Variants in USP35 observed in about 807,000 individuals in gnomAD.
USP35 encodes the protein ubiquitin carboxyl-terminal hydrolase 35.
A neutral mutation model predicts 83.8 loss-of-function variants in USP35; 69 were observed. The observed-to-expected ratio is 0.82, with a 90% confidence interval of 0.68 to 1.01. The LOEUF (loss-of-function observed/expected upper bound fraction) is 1.01. Among genes scored for constraint, USP35 ranks in the 50% least tolerant of loss-of-function variants. The pLI, the probability that USP35 is intolerant of heterozygous loss-of-function variation, is 0.00. For missense variants in USP35, 1,503 were observed against 1,362.5 expected (o/e 1.10, Z -1.62); for synonymous variants, 714 against 589.5 (o/e 1.21, Z -3.06).
At chr11:78,220,452 G>A in the USP35 span, 7 of 1,558,466 alleles carry the variant, frequency 4.5e-6, no homozygotes, top group Admixed American at 3.7e-5. Context: ...TTGCTGTCAC[G>A]AGGAGGAAAA....
At chr11:78,220,516 TG>T in the USP35 span, 1 of 1,357,770 alleles carries the variant, frequency 7.4e-7, no homozygotes, top group Non-Finnish European at 1.0e-6. Context: ...AAAACACCTC[TG>T]GGAGTAAGAA....
the USP35 span, chr11:78,223,677 C>G: frequency 6.3e-7 from 1 of 1,590,670 alleles, no homozygotes; most frequent in Non-Finnish European, 8.6e-7. Context: ...TTTTCCCTGG[C>G]TAGGGAGAGG....
intron 10 of USP35, 111 bp from the exon 11 acceptor site, chr11:78,213,535 C>A: frequency 2.3e-6 from 3 of 1,277,792 alleles, no homozygotes; most frequent in Non-Finnish European, 3.0e-6. Flanking sequence ...CTCTGTGTGT[C>A]CAGGCCCTGG....
chr11:78,209,718 C>G lies in USP35; in HGVS notation c.1863C>G (p.Ile621Met). Residue 621 changes from isoleucine (I) to methionine (M), a missense_variant, in exon 10 of 11, where the codon ATC (isoleucine) becomes ATG (methionine). Coordinates refer to ENST00000529308, the MANE Select transcript of USP35 (RefSeq NM_020798.4). ...LGSVMRPTED[I>M]TARELPPPTS... ...CTGTGATGCGCCCCACAGAAGACAT[C>G]ACAGCCCGGGAGTTGCCCCCACCAA... 1 of 1,614,118 alleles carries G rather than the reference C, an allele frequency of 6.2e-7. No individual in the cohort carries two copies. The highest frequency in any genetic ancestry group is 1.1e-5 in the South Asian group (1 of 91,076).
chr11:78,213,949 C>T lies in USP35; in HGVS notation c.*136C>T, dbSNP rs1406919632. The T allele has an allele frequency of 7.4e-6, 7 of 951,214 alleles. No homozygotes were observed. The highest frequency in any genetic ancestry group is 7.0e-5 in the African/African-American group (4 of 57,450). 58.9% of individuals were successfully genotyped at this position (951,214 alleles called of 1,614,324 possible). ...TTAGTCCTCAGCCTGATGAAGGGTA[C>T]ACAGAGATTCTCTCAGATATGGAAG... On this transcript the variant is annotated 3_prime_UTR_variant, in exon 11 of 11. Transcript: ENST00000529308.
chr11:78,207,466 T>A, intron 7 of USP35, 64 bp from the exon 8 acceptor site: 1 of 1,537,504 alleles, frequency 6.5e-7, no homozygotes, highest in Admixed American at 1.7e-5. Context: ...GCCTGTGACA[T>A]GGGTGACTAG....
chr11:78,207,308 A>C (rs955977178), intron 7 of USP35: 2 of 533,410 alleles, frequency 3.7e-6, no homozygotes, highest in Non-Finnish European at 6.8e-6. Flanking sequence ...TGTACCCTTC[A>C]TTGTCTAAAA....
the USP35 span, among the ~76,000 whole-genome samples, chr11:78,225,971 A>G: frequency 2.0e-5 from 3 of 152,272 alleles, no homozygotes; most frequent in South Asian, 2.1e-4. Context: ...ACAAGTAACA[A>G]TAGAATTTAG....
chr11:78,223,218 TGCTC>T, the USP35 span, among the ~76,000 whole-genome samples: 1 of 152,174 alleles, frequency 6.6e-6, no homozygotes, highest in East Asian at 1.9e-4. Flanking sequence ...CTATCCTAGA[TGCTC>T]TCCTTTGCAG....
Position 78,213,950 on chromosome 11 carries a change from A to ACAGAGATTCTCTCAGATATGGAAGTAAG in USP35, c.*138_*165dup. 1.0e-6 allele frequency: 1 copy of ACAGAGATTCTCTCAGATATGGAAGTAAG among 953,716 alleles called. No homozygotes were observed. The allele number at this position is 953,716 out of a possible 1,614,324, so 59.1% of individuals were successfully genotyped here. A position where few individuals can be genotyped will look rare whatever the true frequency, so the allele number is the denominator to read the frequency against. On this transcript the variant is annotated 3_prime_UTR_variant, in exon 11 of 11. Coordinates refer to ENST00000529308, the MANE Select transcript of USP35 (RefSeq NM_020798.4). The stretch of plus-strand genomic sequence containing the variant: ...TAGTCCTCAGCCTGATGAAGGGTAC[A>ACAGAGATTCTCTCAGATATGGAAGTAAG]CAGAGATTCTCTCAGATATGGAAGT...
chr11:78,222,214 G>A, the USP35 span: 8 of 1,560,178 alleles, frequency 5.1e-6, no homozygotes, highest in Non-Finnish European at 6.2e-6. Context: ...GGAAAAGAAA[G>A]TCTGGTAATC....
At chr11:78,231,933 T>C in the USP35 span, 1 of 152,234 alleles carries the variant, frequency 6.6e-6, no homozygotes, top group East Asian at 1.9e-4. Context: ...ATTTGAACTA[T>C]CCTCTTGCAT....
intron 4 of USP35, 151 bp downstream of exon 4, chr11:78,199,875 A>T: frequency 7.7e-7 from 1 of 1,305,278 alleles, no homozygotes. Context: ...TGGGCCTCAG[A>T]TTCTCCCCAT....
rs544359572 is a variant in USP35 at position 78,207,827 on chromosome 11, G to A, written c.1485+204G>A. Among the ~76,000 whole-genome samples, 388 of 152,348 alleles carry A rather than the reference G, an allele frequency of 2.5e-3. 7 individuals carry two copies. The highest frequency in any genetic ancestry group is 0.02 in the Middle Eastern group (6 of 294). On this transcript the variant is annotated intron_variant, in intron 8 of 10. Coordinates refer to ENST00000529308, the MANE Select transcript of USP35 (RefSeq NM_020798.4). ...GGCGGGCCCCCTTGAGCCCTGTTCCGTGTTGTGCTGCCCAATCTTTCCCTT... is the reference window on the plus strand; with the variant it reads ...GGCGGGCCCCCTTGAGCCCTGTTCCATGTTGTGCTGCCCAATCTTTCCCTT...
At chr11:78,223,072 T>G in the USP35 span, among the ~76,000 whole-genome samples, 14 of 152,216 alleles carry the variant, frequency 9.2e-5, no homozygotes, top group Non-Finnish European at 1.5e-4. Context: ...TGCCTAGCTA[T>G]CCTACTCCTC....
Position 78,196,185 on chromosome 11 carries a change from T to A in USP35, c.-10-51T>A, listed in dbSNP as rs1291288644. Reference sequence around the variant, plus strand: ...AGCACTCGGGGACTGCACCGGGAACTCTTGAGCCCCGCGGTTGTCGGGCTG... The same window carrying A: ...AGCACTCGGGGACTGCACCGGGAACACTTGAGCCCCGCGGTTGTCGGGCTG... On this transcript the variant is annotated intron_variant, in intron 1 of 10. Transcript: ENST00000529308. This position sits in a 1 kb window ranked among gnomAD's most constrained non-coding sequence, Gnocchi z 4.8. 2.0e-6 allele frequency: 3 copies of A among 1,525,142 alleles called. No homozygotes were observed. The highest frequency in any genetic ancestry group is 2.9e-5 in the African/African-American group (2 of 69,686). 94.5% of individuals were successfully genotyped at this position (1,525,142 alleles called of 1,614,324 possible). A position where few individuals can be genotyped will look rare whatever the true frequency, so the allele number is the denominator to read the frequency against.
At chr11:78,234,073 A>T in the USP35 span, among the ~76,000 whole-genome samples, 1 of 152,010 alleles carries the variant, frequency 6.6e-6, no homozygotes, top group Non-Finnish European at 1.5e-5. Flanking sequence ...TTCTTCTAGA[A>T]GTTTCTTTTC....
rs200707757 is a variant in USP35 at position 78,208,889 on chromosome 11, C to T, written c.1518C>T (p.Ser506=). The T allele has an allele frequency of 2.7e-4, 438 of 1,614,220 alleles. No homozygotes were observed. In the African/African-American group the frequency reaches 4.5e-3, roughly 16 times the overall value. ...CCATTTCCCCAGAGAACTTCCTCTCCGCATCCTGGACGCCCTGGTTCAGCC... is the reference window on the plus strand; with the variant it reads ...CCATTTCCCCAGAGAACTTCCTCTCTGCATCCTGGACGCCCTGGTTCAGCC... ...RPAISPENFL[S]ASWTPWFSPG... Residue 506 remains serine, a synonymous_variant, in exon 9 of 11, where the codon TCC becomes TCT. Transcript: ENST00000529308.
chr11:78,223,851 C>G, the USP35 span, among the ~76,000 whole-genome samples: 1 of 152,148 alleles, frequency 6.6e-6, no homozygotes, highest in East Asian at 1.9e-4. Context: ...GAGGCTGAGG[C>G]AGGTGGATCA....
Sources: gnomAD v4.1 joint callset for allele counts (sites outside exome capture counted in the v4.1 genomes callset) on GRCh38, gnomAD v4.1.1 for gene constraint, Gnocchi (gnomAD v3.1) non-coding constraint, MANE v1.5 for transcripts, NCBI Gene and HGNC (gene_info 2026-07-23, HGNC 2026-07-21) for gene names.